The following LAMA2 variants were observed in gnomAD, a reference collection of about 807,000 sequenced individuals.
LAMA2 encodes the protein laminin subunit alpha-2.
Under a neutral mutation model 364.8 loss-of-function variants are expected in LAMA2, and 269 were observed. That is an observed-to-expected ratio of 0.74 (90% CI 0.67 to 0.82). LAMA2 has a LOEUF of 0.82. Ranked by LOEUF, LAMA2 falls within the 40% of genes least tolerant of loss-of-function variation. LAMA2 has a pLI of 0.00. For synonymous variants in LAMA2, 1,379 were observed against 1,370.6 expected (o/e 1.01, Z -0.14); for missense variants, 3,807 against 3,873.2 (o/e 0.98, Z 0.45).
chr6:129,379,207 G>A, intron 34 of LAMA2, among the ~76,000 whole-genome samples: 1 of 152,136 alleles, frequency 6.6e-6, no homozygotes, highest in Non-Finnish European at 1.5e-5. Flanking sequence ...GCCTACCAGA[G>A]GGCGGAGGAT....
chr6:129,237,446 C>CA (rs1422064327), intron 12 of LAMA2, among the ~76,000 whole-genome samples: 1 of 151,898 alleles, frequency 6.6e-6, no homozygotes, highest in Non-Finnish European at 1.5e-5. Context: ...AAGTGATTCT[C>CA]TGCCTCAGCC....
intron 37 of LAMA2, among the ~76,000 whole-genome samples, chr6:129,397,471 A>G (rs1779717618): frequency 6.6e-6 from 1 of 152,196 alleles, no homozygotes; most frequent in Non-Finnish European, 1.5e-5. Flanking sequence ...CCCCAATCCT[A>G]GAACAGTATC....
intron 1 of LAMA2, among the ~76,000 whole-genome samples, chr6:128,907,992 A>G (rs1777616253): frequency 2.0e-5 from 3 of 152,020 alleles, no homozygotes; most frequent in Admixed American, 2.0e-4. Flanking sequence ...AGCCCACTTG[A>G]TCATGGTGGA....
chr6:129,109,335 G>A (rs151104606), intron 4 of LAMA2, among the ~76,000 whole-genome samples: 61 of 152,142 alleles, frequency 4.0e-4, no homozygotes, highest in African/African-American at 1.4e-3. Context: ...CATTGTACAC[G>A]TTTCAGTTTT....
At chr6:129,396,330 T>C (rs1193490462) in intron 37 of LAMA2, among the ~76,000 whole-genome samples, 1 of 152,162 alleles carries the variant, frequency 6.6e-6, no homozygotes, top group East Asian at 1.9e-4. Context: ...TATGATAATA[T>C]TGACTGGGAG....
chr6:129,156,525 T>C (rs561383556), intron 8 of LAMA2, among the ~76,000 whole-genome samples: 5,843 of 147,660 alleles, frequency 0.04, 132 homozygotes, highest in African/African-American at 0.043. Flanking sequence ...CTTAATTTCT[T>C]TTTTTTTTTT....
At chr6:129,270,841 T>A (rs1787883024) in intron 17 of LAMA2, 90 bp downstream of exon 17, 3 of 1,327,092 alleles carry the variant, frequency 2.3e-6, no homozygotes, top group Non-Finnish European at 3.2e-6. Context: ...TTTTATCCCA[T>A]GTAAATAAAT....
At chr6:129,335,257 T>G (rs186581999) in intron 29 of LAMA2, among the ~76,000 whole-genome samples, 2 of 152,088 alleles carry the variant, frequency 1.3e-5, no homozygotes, top group African/African-American at 4.8e-5. Flanking sequence ...GAAAAAAAAT[T>G]TTTTTGAAGA....
intron 1 of LAMA2, among the ~76,000 whole-genome samples, chr6:128,957,783 T>C (rs931942108): frequency 2.0e-5 from 3 of 150,342 alleles, no homozygotes; most frequent in East Asian, 2.0e-4. Context: ...TCTTAGCTCA[T>C]CATCCTTTAA....
intron 1 of LAMA2, among the ~76,000 whole-genome samples, chr6:129,012,026 T>C (rs993885441): frequency 6.6e-6 from 1 of 152,208 alleles, no homozygotes; most frequent in African/African-American, 2.4e-5. Flanking sequence ...TTCACCCTTG[T>C]GTTCCTTCTA....
At chr6:129,282,553 C>T (rs1788796007) in intron 18 of LAMA2, among the ~76,000 whole-genome samples, 1 of 152,120 alleles carries the variant, frequency 6.6e-6, no homozygotes, top group Non-Finnish European at 1.5e-5. Flanking sequence ...GGTATAATGT[C>T]TGTGTGTATA....
chr6:129,067,665 G>C (rs1789459385), intron 3 of LAMA2, among the ~76,000 whole-genome samples: 1 of 152,148 alleles, frequency 6.6e-6, no homozygotes. Flanking sequence ...AAGGCCTTAA[G>C]GACCTTTTCC....
chr6:129,013,295 G>A (rs894529772), intron 1 of LAMA2, among the ~76,000 whole-genome samples: 13 of 152,200 alleles, frequency 8.5e-5, no homozygotes, highest in African/African-American at 2.9e-4. Flanking sequence ...AAATTAGCCC[G>A]GCGTGGTGGC....
chr6:129,115,107 C>T (rs1361225759), intron 4 of LAMA2, among the ~76,000 whole-genome samples: 1 of 151,950 alleles, frequency 6.6e-6, no homozygotes, highest in Admixed American at 6.6e-5. Context: ...CTTCCTCTAT[C>T]CAAAAACAAC....
At chr6:129,194,787 A>G (rs1321159171) in intron 12 of LAMA2, among the ~76,000 whole-genome samples, 1 of 152,196 alleles carries the variant, frequency 6.6e-6, no homozygotes, top group Admixed American at 6.5e-5. Flanking sequence ...AAGCTCTCAG[A>G]AATTACCACA....
intron 61 of LAMA2, among the ~76,000 whole-genome samples, chr6:129,506,592 G>A (rs922206090): frequency 3.3e-5 from 5 of 151,880 alleles, no homozygotes; most frequent in African/African-American, 7.3e-5. Flanking sequence ...TTATTAGACC[G>A]TGTATCCTAG....
chr6:129,025,967 CAT>C (rs2114723962), intron 1 of LAMA2, among the ~76,000 whole-genome samples: 1 of 152,276 alleles, frequency 6.6e-6, no homozygotes, highest in East Asian at 1.9e-4. Context: ...AACACACACA[CAT>C]GCAAGGTTTC....
At chr6:129,442,083 C>T (rs192026016) in intron 43 of LAMA2, 8 of 547,218 alleles carry the variant, frequency 1.5e-5, no homozygotes, top group Admixed American at 9.9e-5. Context: ...GACTAGCCCT[C>T]TTTATATGCC....
intron 32 of LAMA2, among the ~76,000 whole-genome samples, chr6:129,361,320 T>C (rs1287834252): frequency 6.6e-6 from 1 of 152,248 alleles, no homozygotes; most frequent in Non-Finnish European, 1.5e-5. Context: ...TTTTAACCTA[T>C]GAATTGCAGC....
Sources: allele counts gnomAD v4.1 joint callset (sites outside exome capture counted in the v4.1 genomes callset), GRCh38; gene constraint gnomAD v4.1.1; transcripts MANE v1.5; gene names NCBI Gene and HGNC (gene_info 2026-07-23, HGNC 2026-07-21).